SMYD3: variants seen among roughly 807,000 people sequenced by gnomAD.
SMYD3 encodes histone-lysine N-methyltransferase SMYD3.
A neutral mutation model predicts 57.7 loss-of-function variants in SMYD3; 36 were observed. The ratio of observed to expected loss-of-function variants is 0.62; its 90% CI spans 0.48 to 0.82. The LOEUF is 0.82. SMYD3 is among the 40% of genes least tolerant of loss of function. The pLI is 0.00. For missense variants in SMYD3, 515 were observed against 538.8 expected (o/e 0.96, Z 0.44); for synonymous variants, 211 against 195.0 (o/e 1.08, Z -0.68).
At chr1:245,970,259 T>A (rs915166395) in intron 5 of SMYD3, among the ~76,000 whole-genome samples, 1 of 152,214 alleles carries the variant, frequency 6.6e-6, no homozygotes, top group Admixed American at 6.5e-5. Flanking sequence ...GCTAGCCACA[T>A]GTAGAAAGGG....
chr1:245,978,507 C>T (rs769074445), intron 5 of SMYD3, among the ~76,000 whole-genome samples: 2 of 152,100 alleles, frequency 1.3e-5, no homozygotes, highest in Non-Finnish European at 2.9e-5. Context: ...TTATAGACTG[C>T]GTCTTTCTAC....
chr1:246,330,333 T>G, intron 4 of SMYD3, 147 bp downstream of exon 4: 1 of 558,814 alleles, frequency 1.8e-6, no homozygotes, highest in Non-Finnish European at 3.0e-6. Context: ...AATAAACCAG[T>G]GTGACAGTTG....
chr1:245,817,376 C>G (rs1251637977), intron 10 of SMYD3, among the ~76,000 whole-genome samples: 1 of 147,186 alleles, frequency 6.8e-6, no homozygotes, highest in Non-Finnish European at 1.5e-5. Flanking sequence ...GAAAGCACAT[C>G]CACACCAAAA....
chr1:246,259,123 G>A (rs998272553), intron 5 of SMYD3, among the ~76,000 whole-genome samples: 2 of 152,106 alleles, frequency 1.3e-5, no homozygotes, highest in Non-Finnish European at 2.9e-5. Context: ...AGCTTTAGAA[G>A]CTTCTTTGTG....
At chr1:246,461,935 C>A (rs972072147) in intron 1 of SMYD3, among the ~76,000 whole-genome samples, 2 of 152,076 alleles carry the variant, frequency 1.3e-5, no homozygotes, top group African/African-American at 4.8e-5. Flanking sequence ...AAGGTACTCA[C>A]AGTTTAGAAA....
intron 1 of SMYD3, among the ~76,000 whole-genome samples, chr1:246,386,143 C>T (rs948524443): frequency 5.9e-5 from 9 of 152,194 alleles, no homozygotes; most frequent in Non-Finnish European, 1.2e-4. Flanking sequence ...CCGCCTCAAC[C>T]TTCCAAAGTA....
At chr1:246,093,840 G>A (rs1190021629) in intron 5 of SMYD3, among the ~76,000 whole-genome samples, 1 of 151,708 alleles carries the variant, frequency 6.6e-6, no homozygotes, top group African/African-American at 2.4e-5. Flanking sequence ...GTGCATATTT[G>A]GATACATTTA....
rs576687086 is a variant in SMYD3, at chr1:246,043,543, G to C, written c.532-113606C>G. Among the ~76,000 whole-genome samples, 22 of 152,364 alleles carry C rather than the reference G, an allele frequency of 1.4e-4. No individual in the cohort carries two copies. The South Asian group carries it at 3.9e-3, about 27-fold the overall frequency. On this transcript the variant is annotated intron_variant, in intron 5 of 11. Transcript: ENST00000490107. ...CAATGGGACATGAGTGTGGCTCTCAGCCTTTGGACAGATCATGTGACAACA... is the reference window on the plus strand; with the variant it reads ...CAATGGGACATGAGTGTGGCTCTCACCCTTTGGACAGATCATGTGACAACA...
At position 246,311,493 on chromosome 1, in the gene SMYD3, T is replaced by C. The variant is rs182514159; in HGVS notation, c.531+15708A>G. Among the ~76,000 whole-genome samples the C allele has an allele frequency of 1.3e-3, 191 of 152,368 alleles. 1 individual carries two copies. Among genetic ancestry groups the C allele is most frequent in the Middle Eastern group, 0.01 (3 of 294 alleles). ...CATCTAATTATCAAACTCAGCAGTG[T>C]TGACAAAGCACAAGCCCACTCAGCT... On this transcript the variant is annotated intron_variant, in intron 5 of 11. Transcript: ENST00000490107.
At chr1:246,076,092 T>A (rs1037519714) in intron 5 of SMYD3, among the ~76,000 whole-genome samples, 16 of 152,118 alleles carry the variant, frequency 1.1e-4, no homozygotes, top group African/African-American at 3.9e-4. Context: ...TTCATCTGCA[T>A]AAGAAATGGT....
chr1:246,271,925 A>G (rs1197642), intron 5 of SMYD3, among the ~76,000 whole-genome samples: 62,998 of 152,026 alleles, frequency 0.41, 13,812 homozygotes, highest in East Asian at 0.79. Flanking sequence ...TCCAGTTCAC[A>G]AACATGGGAT....
intron 1 of SMYD3, among the ~76,000 whole-genome samples, chr1:246,449,695 T>C (rs926509555): frequency 1.3e-5 from 2 of 152,104 alleles, no homozygotes; most frequent in Non-Finnish European, 2.9e-5. Context: ...ACCCACTGCT[T>C]AGGGCTGCCC....
At chr1:245,996,832 G>T (rs2058940305) in intron 5 of SMYD3, among the ~76,000 whole-genome samples, 1 of 152,158 alleles carries the variant, frequency 6.6e-6, no homozygotes, top group Non-Finnish European at 1.5e-5. Context: ...CGTGGGGGAG[G>T]GAGAGGGACT....
intron 2 of SMYD3, among the ~76,000 whole-genome samples, chr1:246,338,570 A>T (rs535546364): frequency 1.6e-4 from 24 of 152,340 alleles, no homozygotes; most frequent in African/African-American, 5.8e-4. Flanking sequence ...AATGATGTAC[A>T]ATAAGCATGA....
At position 245,764,111 on chromosome 1, in the gene SMYD3, T is replaced by C. The variant is rs529041742; in HGVS notation, c.1115A>G (p.Gln372Arg). The part of the protein sequence containing the change: ...FPGSHPVRGV[Q>R]VMKVGKLQLH... ...CTGCAGTTTGCCAACTTTCATCACT[T>C]GAACCCCTCTGACGGGATGGCTTCC... Residue 372 changes from glutamine to arginine, a missense_variant, in exon 11 of 12, where the codon CAA becomes CGA. Transcript: ENST00000490107. 1.2e-6 allele frequency: 2 copies of C among 1,614,090 alleles called. No homozygotes were observed. The highest frequency in any genetic ancestry group is 1.7e-6 in the Non-Finnish European group (2 of 1,179,994).
intron 5 of SMYD3, among the ~76,000 whole-genome samples, chr1:246,200,166 T>C (rs1249045573): frequency 1.3e-5 from 2 of 151,546 alleles, no homozygotes; most frequent in African/African-American, 2.4e-5. Flanking sequence ...TGAGCAAGTA[T>C]GTACACAGAT....
chr1:246,506,174 T>C (rs1421247421), intron 1 of SMYD3, among the ~76,000 whole-genome samples: 1 of 152,212 alleles, frequency 6.6e-6, no homozygotes, highest in Non-Finnish European at 1.5e-5. Flanking sequence ...CATCTCAAAA[T>C]AGAACTCTTC....
intron 8 of SMYD3, among the ~76,000 whole-genome samples, chr1:245,911,804 A>T (rs1337752832): frequency 6.6e-6 from 1 of 152,116 alleles, no homozygotes; most frequent in Non-Finnish European, 1.5e-5. Flanking sequence ...GAGGAGTAAG[A>T]TCTAGTGTTC....
intron 8 of SMYD3, among the ~76,000 whole-genome samples, chr1:245,907,270 T>C (rs974266297): frequency 6.6e-6 from 1 of 152,222 alleles, no homozygotes; most frequent in African/African-American, 2.4e-5. Context: ...GGATACCATA[T>C]TTTCCTTAAC....
Sources: allele counts gnomAD v4.1 joint callset (sites outside exome capture counted in the v4.1 genomes callset), GRCh38; gene constraint gnomAD v4.1.1; transcripts MANE v1.5; gene names NCBI Gene and HGNC (gene_info 2026-07-23, HGNC 2026-07-21).